The following TSPAN4 variants were observed in gnomAD, a reference collection of about 807,000 sequenced individuals.
TSPAN4 encodes tetraspanin 4.
TSPAN4 carries 38 observed loss-of-function variants against 31.5 expected under a neutral mutation model. The ratio of observed to expected loss-of-function variants is 1.21; its 90% confidence interval spans 0.93 to 1.58. The LOEUF is 1.58. TSPAN4 is among the 40% of genes most tolerant of loss of function. The pLI is 0.00. For missense variants in TSPAN4, 330 were observed against 317.3 expected, an observed-to-expected ratio of 1.04 and a Z score of -0.30; for synonymous variants, 186 against 144.6, an observed-to-expected ratio of 1.29 and a Z score of -2.06.
chr11:859,063 G>C (rs1384289677), intron 3 of TSPAN4, among the ~76,000 whole-genome samples: 2 of 87,354 alleles, frequency 2.3e-5, no homozygotes, highest in Non-Finnish European at 4.5e-5. Flanking sequence ...CCAACAGCTT[G>C]CACCCCCGGC....
intron 3 of TSPAN4, among the ~76,000 whole-genome samples, chr11:853,377 C>A (rs936703703): frequency 6.6e-6 from 1 of 152,206 alleles, no homozygotes; most frequent in African/African-American, 2.4e-5. Context: ...GAGCCCCCCT[C>A]CACACCCATG....
intron 4 of TSPAN4, 23 bp downstream of exon 4, chr11:862,764 TGCTCCGGGTGGGACCACGCAGGGTGGG>T (rs1848533291): frequency 6.3e-7 from 1 of 1,594,024 alleles, no homozygotes; most frequent in African/African-American, 1.3e-5. Context: ...GCCCAAGCGA[TGCTCCGGGTGGGACCACGCAGGGTGGG>T]GCTCCGGTGG....
At chr11:861,351 A>G (rs1848445584) in intron 3 of TSPAN4, among the ~76,000 whole-genome samples, 1 of 152,146 alleles carries the variant, frequency 6.6e-6, no homozygotes, top group South Asian at 2.1e-4. Context: ...GCGGTGGCTC[A>G]TGCCTGTAAT....
chr11:864,329 C>T (rs2134065191), intron 4 of TSPAN4, 108 bp from the exon 5 acceptor site: 1 of 1,409,058 alleles, frequency 7.1e-7, no homozygotes, highest in Non-Finnish European at 9.9e-7. Flanking sequence ...CAGAGGTTTC[C>T]TGGCAGCACC....
intron 3 of TSPAN4, among the ~76,000 whole-genome samples, chr11:852,081 G>A (rs1847781164): frequency 6.6e-6 from 1 of 152,120 alleles, no homozygotes; most frequent in African/African-American, 2.4e-5. Flanking sequence ...AACACACAAG[G>A]AACCCCCTTG....
chr11:864,458 G>A lies in TSPAN4; in HGVS notation c.277G>A (p.Val93Met), dbSNP rs1848650085. Residue 93 changes from valine to methionine, a missense_variant, in exon 5 of 9, where the codon GTG (valine) becomes ATG (methionine). Val to Met is a conservative substitution (Grantham distance 21, BLOSUM62 1). Coordinates refer to ENST00000397397, the MANE Select transcript of TSPAN4 (RefSeq NM_003271.5). Reference protein sequence around the residue: ...LLTFFLLLLLVFLLEATIAIL... With the variant: ...LLTFFLLLLLMFLLEATIAIL... ...ACAGTTCTTCCTGCTGCTGCTGCTG[G>A]TGTTCCTGCTGGAGGCCACCATCGC... 5 of 1,612,644 alleles carry A rather than the reference G, an allele frequency of 3.1e-6. No homozygotes were observed. The highest frequency in any genetic ancestry group is 1.3e-5 in the African/African-American group (1 of 74,904).
Position 864,612 on chromosome 11 carries a change from G to A in TSPAN4, c.330+101G>A, listed in dbSNP as rs1426850670. 7.4e-6 allele frequency: 11 copies of A among 1,488,814 alleles called. No individual in the cohort carries two copies. In the East Asian group the frequency reaches 2.3e-4, roughly 31 times the overall value. The allele number at this position is 1,488,814 out of a possible 1,614,324, so 92.2% of individuals were successfully genotyped here. ...CGGTGTGGACAGAGTGGCCCTGCAT[G>A]TGCCCTCACGGGCAGCCAGGACAGC... is the stretch of plus-strand genomic sequence containing the variant. On this transcript the variant is annotated intron_variant, in intron 5 of 8. Transcript: ENST00000397397.
Position 842,903 on chromosome 11 carries a change from G to T in TSPAN4, c.-130G>T. ...GCGGGAGCGGGCGGCGCGAGCGGGAGGCGGCGGCGCAGGTACTGCGCCTGG... is the reference window on the plus strand; with the variant it reads ...GCGGGAGCGGGCGGCGCGAGCGGGATGCGGCGGCGCAGGTACTGCGCCTGG... On this transcript the variant is annotated 5_prime_UTR_variant, in exon 1 of 9. In the 5' UTR this introduces an upstream ATG that the reference lacks. Coordinates refer to ENST00000397397, the MANE Select transcript of TSPAN4 (RefSeq NM_003271.5). The T allele has an allele frequency of 6.1e-6, 1 of 163,594 alleles. No individual in the cohort carries two copies. The highest frequency in any genetic ancestry group is 1.7e-4 in the South Asian group (1 of 6,008). The allele number at this position is 163,594 out of a possible 1,614,324, so 10.1% of individuals were successfully genotyped here.
chr11:850,170 T>A (rs28704105), intron 2 of TSPAN4, 118 bp from the exon 3 acceptor site: 1 of 755,184 alleles, frequency 1.3e-6, no homozygotes. Flanking sequence ...CGCCGGGGGC[T>A]CCTTCTTCGG....
chr11:852,214 C>T (rs895551314), intron 3 of TSPAN4, among the ~76,000 whole-genome samples: 8 of 152,200 alleles, frequency 5.3e-5, no homozygotes, highest in Non-Finnish European at 1.2e-4. Flanking sequence ...CCTTCCATCT[C>T]TGGGGTTCAA....
chr11:847,465 G>T (rs1005609535), intron 2 of TSPAN4, among the ~76,000 whole-genome samples, 165 bp downstream of exon 2: 4 of 151,972 alleles, frequency 2.6e-5, no homozygotes, highest in Non-Finnish European at 5.9e-5. Flanking sequence ...TGGAGACAGG[G>T]TCCCAGAACA....
In TSPAN4 at chr11:866,579, C is replaced by G; in HGVS notation, c.666C>G (p.Phe222Leu). The G allele has an allele frequency of 6.2e-7, 1 of 1,613,480 alleles. No individual in the cohort carries two copies. The highest frequency in any genetic ancestry group is 8.5e-7 in the Non-Finnish European group (1 of 1,179,806). Residue 222 changes from phenylalanine to leucine, a missense_variant, in exon 9 of 9, where the codon TTC becomes TTG. Transcript: ENST00000397397. Reference sequence around the variant, plus strand: ...ACCTACAGATCCTGGGCCTGACCTTCGCCATGACCATGTACTGCCAAGTGG... The same window carrying G: ...ACCTACAGATCCTGGGCCTGACCTTGGCCATGACCATGTACTGCCAAGTGG... ...TALVQILGLT[F>L]AMTMYCQVVK...
chr11:849,506 G>A (rs1203657095), intron 2 of TSPAN4, among the ~76,000 whole-genome samples: 1 of 152,118 alleles, frequency 6.6e-6, no homozygotes, highest in Non-Finnish European at 1.5e-5. Flanking sequence ...GAGGTACCGT[G>A]GGGGGAAGGG....
Position 866,697 on chromosome 11 carries a change from T to A in TSPAN4, c.*67T>A. Reference sequence around the variant, plus strand: ...GGAGATGGCCGCACCCACAGCTGCCTTTCCCACCACCAGCCTCGGTGCTCT... The same window carrying A: ...GGAGATGGCCGCACCCACAGCTGCCATTCCCACCACCAGCCTCGGTGCTCT... On this transcript the variant is annotated 3_prime_UTR_variant, in exon 9 of 9. Transcript: ENST00000397397. 1 of 1,463,316 alleles carries A rather than the reference T, an allele frequency of 6.8e-7. No homozygotes were observed. The highest frequency in any genetic ancestry group is 9.3e-7 in the Non-Finnish European group (1 of 1,073,502). The allele number at this position is 1,463,316 out of a possible 1,614,324, so 90.6% of individuals were successfully genotyped here.
chr11:854,187 C>T (rs1276743992), intron 3 of TSPAN4, among the ~76,000 whole-genome samples: 3 of 152,230 alleles, frequency 2.0e-5, no homozygotes, highest in African/African-American at 4.8e-5. Context: ...TCCTCCCGCC[C>T]TCCTGGCCTC....
intron 3 of TSPAN4, among the ~76,000 whole-genome samples, chr11:851,942 C>T (rs1286586487): frequency 6.6e-6 from 1 of 151,034 alleles, no homozygotes; most frequent in East Asian, 2.0e-4. Flanking sequence ...GGGGGGGTCT[C>T]TCTGCTCTGA....
At chr11:843,138 C>G (rs968187529) in intron 1 of TSPAN4, 2 of 152,090 alleles carry the variant, frequency 1.3e-5, no homozygotes, top group African/African-American at 4.8e-5. Context: ...GTAGTGGGTT[C>G]CTCCGCCTCG....
intron 3 of TSPAN4, among the ~76,000 whole-genome samples, chr11:858,953 T>G (rs1167971725): frequency 1.7e-5 from 1 of 58,326 alleles, no homozygotes; most frequent in East Asian, 5.4e-4. Context: ...CCCAACAGCT[T>G]GCACCCCCGG....
intron 3 of TSPAN4, among the ~76,000 whole-genome samples, chr11:854,298 T>C (rs1400126231): frequency 6.6e-6 from 1 of 152,058 alleles, no homozygotes; most frequent in Admixed American, 6.5e-5. Context: ...CTCCGCACTG[T>C]ATGGTTAGGG....
Sources: gnomAD v4.1 joint callset for allele counts (sites outside exome capture counted in the v4.1 genomes callset) on GRCh38, gnomAD v4.1.1 for gene constraint, MANE v1.5 for transcripts, NCBI Gene and HGNC (gene_info 2026-07-23, HGNC 2026-07-21) for gene names.